Variants in CNTN5 observed in about 807,000 individuals in gnomAD.
CNTN5 encodes the protein contactin 5.
Under a neutral mutation model 129.1 loss-of-function variants are expected in CNTN5, and 77 were observed. That is an observed-to-expected ratio of 0.60 (90% CI 0.50 to 0.72). The LOEUF is 0.72. CNTN5 is among the 30% of genes least tolerant of loss of function. The pLI is 0.00. For synonymous variants in CNTN5, 509 were observed against 465.6 expected (o/e 1.09, Z -1.20); for missense variants, 1,478 against 1,328.8 (o/e 1.11, Z -1.75).
Position 100,238,013 on chromosome 11 carries a change from A to G in CNTN5, c.2005+13201A>G, listed in dbSNP as rs185063297. ...AACCTCTACAAGATTCAAAATGGGT[A>G]GGCATTGTAAAGATGAGATATAAAG... On this transcript the variant is annotated intron_variant, in intron 16 of 24. Coordinates refer to ENST00000524871, the MANE Select transcript of CNTN5 (RefSeq NM_014361.4). 3.3e-3 allele frequency among the ~76,000 whole-genome samples: 496 copies of G among 152,300 alleles called. 12 individuals are homozygous for G. Among genetic ancestry groups the G allele is most frequent in the Admixed American group, 0.027 (406 of 15,304 alleles).
At position 100,299,229 on chromosome 11, in the gene CNTN5, CA is replaced by C. The variant is rs1951166363; in HGVS notation, c.2454del (p.Arg819ValfsTer8). On this transcript the variant is annotated frameshift_variant, in exon 20 of 25. Coordinates refer to ENST00000524871, the MANE Select transcript of CNTN5 (RefSeq NM_014361.4). LOFTEE classifies it high-confidence loss of function. The part of the protein sequence containing the change: ...GYIVAFRPNG[T>X]RGWKEKMVTS... ...ATTGTGGCTTTCAGACCCAATGGAA[CA>C]CGTGGCTGGAAGGAAAAAATGGTGA... is the stretch of plus-strand genomic sequence containing the variant. 6.2e-7 allele frequency: 1 copy of C among 1,610,020 alleles called. No homozygotes were observed. Among genetic ancestry groups the C allele is most frequent in the African/African-American group, 1.3e-5 (1 of 74,616 alleles).
intron 1 of CNTN5, among the ~76,000 whole-genome samples, chr11:99,051,454 C>A (rs1864423453): frequency 6.6e-6 from 1 of 151,882 alleles, no homozygotes; most frequent in Non-Finnish European, 1.5e-5. Context: ...CTCAGCATAT[C>A]ATTCATAAAT....
intron 13 of CNTN5, among the ~76,000 whole-genome samples, chr11:100,101,942 G>A (rs1945237986): frequency 6.6e-6 from 1 of 152,110 alleles, no homozygotes; most frequent in Non-Finnish European, 1.5e-5. Flanking sequence ...TATCAGTGGT[G>A]TAAACCTACC....
At chr11:99,354,831 C>G (rs998516244) in intron 2 of CNTN5, among the ~76,000 whole-genome samples, 1 of 152,162 alleles carries the variant, frequency 6.6e-6, no homozygotes, top group Non-Finnish European at 1.5e-5. Context: ...AAAACCCTGC[C>G]ATAGCTGTAC....
chr11:99,220,990 A>G (rs963945050), intron 1 of CNTN5, among the ~76,000 whole-genome samples: 2 of 151,978 alleles, frequency 1.3e-5, no homozygotes, highest in African/African-American at 4.8e-5. Context: ...CAATTTACAG[A>G]TACTGTAAAA....
chr11:100,052,848 A>G (rs1943026204), intron 9 of CNTN5, among the ~76,000 whole-genome samples: 1 of 151,800 alleles, frequency 6.6e-6, no homozygotes, highest in Admixed American at 6.6e-5. Context: ...AGAAAATGAG[A>G]CATTGGCATA....
At chr11:99,943,669 T>G in intron 7 of CNTN5, among the ~76,000 whole-genome samples, 1 of 152,008 alleles carries the variant, frequency 6.6e-6, no homozygotes, top group Admixed American at 6.6e-5. Context: ...GGTTTAAGGT[T>G]TTATGTTTAA....
chr11:100,228,146 A>G (rs1949416670), intron 16 of CNTN5, among the ~76,000 whole-genome samples: 1 of 152,176 alleles, frequency 6.6e-6, no homozygotes, highest in Admixed American at 6.5e-5. Flanking sequence ...TTCTCATACA[A>G]CTTCTCTATT....
At chr11:99,598,101 C>G (rs1950179317) in intron 3 of CNTN5, among the ~76,000 whole-genome samples, 1 of 152,060 alleles carries the variant, frequency 6.6e-6, no homozygotes, top group South Asian at 2.1e-4. Flanking sequence ...GAATATGATA[C>G]CAGTTTCCTT....
chr11:99,984,378 G>T (rs1008867302), intron 8 of CNTN5, among the ~76,000 whole-genome samples: 2 of 151,762 alleles, frequency 1.3e-5, no homozygotes, highest in Admixed American at 6.6e-5. Context: ...AGGAAGAAAA[G>T]AAAGAAAAGA....
chr11:99,077,490 T>C (rs958776242), intron 1 of CNTN5, among the ~76,000 whole-genome samples: 3 of 152,188 alleles, frequency 2.0e-5, no homozygotes, highest in Non-Finnish European at 2.9e-5. Flanking sequence ...GTGATACACA[T>C]TTTAAATATC....
At chr11:99,512,170 G>A (rs1032426743) in intron 2 of CNTN5, among the ~76,000 whole-genome samples, 2 of 152,096 alleles carry the variant, frequency 1.3e-5, no homozygotes, top group African/African-American at 4.8e-5. Context: ...TTCAAAGTAA[G>A]AGCCCTAGAC....
intron 1 of CNTN5, among the ~76,000 whole-genome samples, chr11:99,241,317 G>GTTTTTTTTTTTTTTTTT (rs1565430527): frequency 1.7e-5 from 1 of 60,132 alleles, no homozygotes; most frequent in African/African-American, 5.5e-5. Flanking sequence ...TTTGATTGTT[G>GTTTTTTTTTTTTTTTTT]GTTTTTTTTT....
intron 1 of CNTN5, among the ~76,000 whole-genome samples, chr11:99,311,343 A>C (rs183407440): frequency 1.1e-3 from 166 of 152,266 alleles, no homozygotes; most frequent in African/African-American, 3.9e-3. Flanking sequence ...TTTAATGTCC[A>C]TATATAAGGG....
intron 3 of CNTN5, among the ~76,000 whole-genome samples, chr11:99,696,773 T>C (rs1295253307): frequency 3.9e-5 from 6 of 152,020 alleles, no homozygotes; most frequent in Admixed American, 3.9e-4. Flanking sequence ...GGTATCTTGG[T>C]TTGGCAGTGT....
intron 2 of CNTN5, among the ~76,000 whole-genome samples, chr11:99,472,518 T>G (rs778425860): frequency 6.6e-6 from 1 of 152,216 alleles, no homozygotes; most frequent in African/African-American, 2.4e-5. Flanking sequence ...AGTTTTTCTG[T>G]CTGTTTGTTC....
At chr11:99,498,061 C>G (rs1202198416) in intron 2 of CNTN5, among the ~76,000 whole-genome samples, 1 of 152,084 alleles carries the variant, frequency 6.6e-6, no homozygotes, top group Non-Finnish European at 1.5e-5. Flanking sequence ...ATACATGCTG[C>G]CAAGTAACAT....
chr11:100,154,146 C>A (rs1248846458), intron 13 of CNTN5, among the ~76,000 whole-genome samples: 1 of 152,062 alleles, frequency 6.6e-6, no homozygotes, highest in Non-Finnish European at 1.5e-5. Flanking sequence ...TGATGTTCCC[C>A]ACTTTGTGTC....
At chr11:99,285,572 GAGA>G (rs1428280047) in intron 1 of CNTN5, among the ~76,000 whole-genome samples, 17 of 148,900 alleles carry the variant, frequency 1.1e-4, no homozygotes, top group African/African-American at 4.2e-4. Flanking sequence ...ATACAAGGAG[GAGA>G]AGAACATTCA....
Sources: allele counts gnomAD v4.1 joint callset (sites outside exome capture counted in the v4.1 genomes callset), GRCh38; gene constraint gnomAD v4.1.1; transcripts MANE v1.5; gene names NCBI Gene and HGNC (gene_info 2026-07-23, HGNC 2026-07-21).